PPP2R1B: variants seen among roughly 807,000 people sequenced by gnomAD.
PPP2R1B encodes the protein serine/threonine-protein phosphatase 2A 65 kDa regulatory subunit A beta isoform.
In PPP2R1B, 58 loss-of-function variants were observed where a neutral mutation model predicts 72.7. The ratio of observed to expected loss-of-function variants is 0.80; its 90% CI spans 0.65 to 0.99. PPP2R1B has a LOEUF of 0.99. Among genes scored for constraint, PPP2R1B ranks in the 50% least tolerant of loss-of-function variants. The pLI is 0.00. For missense variants in PPP2R1B, 695 were observed against 733.6 expected (o/e 0.95, Z 0.61); for synonymous variants, 256 against 264.6 (o/e 0.97, Z 0.32).
chr11:111,729,265 T>G (rs185846689), intron 15 of PPP2R1B: 1 of 152,322 alleles, frequency 6.6e-6, no homozygotes, highest in African/African-American at 2.4e-5. Context: ...AGGCACACAC[T>G]GGGGCACAGA....
downstream of PPP2R1B, chr11:111,737,498 C>T (rs1221095684): frequency 3.7e-6 from 6 of 1,614,232 alleles, no homozygotes; most frequent in Non-Finnish European, 5.1e-6. Flanking sequence ...TGGTTCTTGT[C>T]AGCCCGAGGG....
At chr11:111,755,571 C>A (rs924872362) in intron 5 of PPP2R1B, 121 bp from the exon 6 acceptor site, 45 of 783,326 alleles carry the variant, frequency 5.7e-5, no homozygotes, top group Non-Finnish European at 7.9e-5. Context: ...TATATAGTTT[C>A]ACGTCTTGAC....
At chr11:111,706,212 C>A in the PPP2R1B span, among the ~76,000 whole-genome samples, 2 of 152,242 alleles carry the variant, frequency 1.3e-5, no homozygotes, top group East Asian at 3.9e-4. Context: ...ATATGCCTGG[C>A]ACATAGTAAG....
the PPP2R1B span, chr11:111,721,018 C>CCGG: frequency 1.2e-6 from 2 of 1,614,042 alleles, no homozygotes; most frequent in Non-Finnish European, 1.7e-6. Context: ...TAACCTGGCG[C>CCGG]CGGCGGCTCC....
Position 111,739,892 on chromosome 11 carries a change from A to T in PPP2R1B, c.*1704T>A, listed in dbSNP as rs926988706. On this transcript the variant is annotated 3_prime_UTR_variant, in exon 15 of 15. Transcript: ENST00000527614. ...GCCCAAAGTCATAAAATAGAAACTT[A>T]CTATAAGGTAATTTGGCAGTTTAAA... is the stretch of plus-strand genomic sequence containing the variant. 1 of 981,386 alleles carries T rather than the reference A, an allele frequency of 1.0e-6. No homozygotes were observed. The highest frequency in any genetic ancestry group is 1.2e-6 in the Non-Finnish European group (1 of 826,300). The allele number at this position is 981,386 out of a possible 1,614,324, so 60.8% of individuals were successfully genotyped here. A position where few individuals can be genotyped will look rare whatever the true frequency, so the allele number is the denominator to read the frequency against.
intron 15 of PPP2R1B, chr11:111,729,885 T>A (rs775198406): frequency 6.6e-6 from 1 of 152,266 alleles, no homozygotes; most frequent in Non-Finnish European, 1.5e-5. Context: ...AAGTTTAGGC[T>A]CACCTCAAAG....
the PPP2R1B span, chr11:111,720,118 C>T: frequency 9.8e-7 from 1 of 1,019,766 alleles, no homozygotes; most frequent in African/African-American, 1.6e-5. Context: ...TAGCTTATTC[C>T]TTTATGGATT....
At chr11:111,761,724 C>G (rs1185752547) in intron 3 of PPP2R1B, among the ~76,000 whole-genome samples, 1 of 152,196 alleles carries the variant, frequency 6.6e-6, no homozygotes, top group Non-Finnish European at 1.5e-5. Flanking sequence ...GTCGGGAGGC[C>G]GAGGTGGGCA....
Position 111,740,496 on chromosome 11 carries a change from T to G in PPP2R1B, c.*1100A>C, listed in dbSNP as rs1944482535. 2 of 985,320 alleles carry G rather than the reference T, an allele frequency of 2.0e-6. No homozygotes were observed. Among genetic ancestry groups the G allele is most frequent in the Middle Eastern group, 1.0e-3 (2 of 1,912 alleles). The allele number at this position is 985,320 out of a possible 1,614,324, so 61.0% of individuals were successfully genotyped here. On this transcript the variant is annotated 3_prime_UTR_variant, in exon 15 of 15. Transcript: ENST00000527614. ...TGCTTTTTAAAAAGGGCTTTAATAC[T>G]GTTTAAGTAGTTCAAATAGGCTTCC...
downstream of PPP2R1B, chr11:111,724,009 A>T (rs1469502226): frequency 6.2e-7 from 1 of 1,614,194 alleles, no homozygotes; most frequent in Admixed American, 1.7e-5. Flanking sequence ...GAAGCCCAGG[A>T]CTGCAAGAGG....
chr11:111,699,209 TA>T, the PPP2R1B span, among the ~76,000 whole-genome samples: 1 of 152,166 alleles, frequency 6.6e-6, no homozygotes, highest in South Asian at 2.1e-4. Context: ...CACTCCTGGA[TA>T]CCAAAGGCAG....
chr11:111,743,600 A>T lies in PPP2R1B; in HGVS notation c.1400-70T>A, dbSNP rs541054859. 208 of 1,531,740 alleles carry T rather than the reference A, an allele frequency of 1.4e-4. No homozygotes were observed. In the African/African-American group the frequency reaches 2.7e-3, roughly 20 times the overall value. 94.9% of individuals were successfully genotyped at this position (1,531,740 alleles called of 1,614,324 possible). Reference sequence around the variant, plus strand: ...TTTAAGCATAACCTAGTTTACTTACATGAAAATCAAATGTGGACCAAAAGC... The same window carrying T: ...TTTAAGCATAACCTAGTTTACTTACTTGAAAATCAAATGTGGACCAAAAGC... On this transcript the variant is annotated intron_variant, in intron 11 of 14. Coordinates refer to ENST00000527614, the MANE Select transcript of PPP2R1B (RefSeq NM_002716.5).
downstream of PPP2R1B, among the ~76,000 whole-genome samples, chr11:111,736,822 C>A (rs974622018): frequency 6.6e-6 from 1 of 152,190 alleles, no homozygotes; most frequent in African/African-American, 2.4e-5. Context: ...ATGAACTAAA[C>A]GCAGTCTGGC....
At chr11:111,760,627 C>A (rs569889747) in intron 4 of PPP2R1B, among the ~76,000 whole-genome samples, 192 bp downstream of exon 4, 1 of 151,436 alleles carries the variant, frequency 6.6e-6, no homozygotes, top group Non-Finnish European at 1.5e-5. Flanking sequence ...CCAGCCTAGA[C>A]AACAGAGCAA....
intron 6 of PPP2R1B, 85 bp from the exon 7 acceptor site, chr11:111,755,179 A>G (rs1204140668): frequency 9.1e-6 from 14 of 1,532,858 alleles, no homozygotes; most frequent in East Asian, 4.5e-5. Flanking sequence ...CTGTAAATAC[A>G]TATTTTTGCC....
At chr11:111,726,724 C>T (rs753542111), downstream of PPP2R1B, 34 of 525,344 alleles carry the variant, frequency 6.5e-5, no homozygotes, top group Non-Finnish European at 1.1e-4. Flanking sequence ...AAACAAAACA[C>T]TAAGAAGGCT....
the PPP2R1B span, among the ~76,000 whole-genome samples, chr11:111,719,356 CT>C: frequency 1.8e-3 from 218 of 118,834 alleles, 1 homozygote; most frequent in South Asian, 0.013. Context: ...GTGACTACCC[CT>C]TTTTTTTTTT....
chr11:111,727,816 C>T (rs117929286), intron 15 of PPP2R1B: 1 of 152,436 alleles, frequency 6.6e-6, no homozygotes, highest in East Asian at 1.9e-4. Context: ...CGTGTGGGCA[C>T]TAAGCAGCCT....
chr11:111,719,391 A>T, the PPP2R1B span, among the ~76,000 whole-genome samples: 1 of 124,616 alleles, frequency 8.0e-6, no homozygotes, highest in African/African-American at 2.9e-5. Flanking sequence ...TGAGCCAAGT[A>T]GTTAAAAAAA....
Sources: gnomAD v4.1 joint callset for allele counts (sites outside exome capture counted in the v4.1 genomes callset) on GRCh38, gnomAD v4.1.1 for gene constraint, MANE v1.5 for transcripts, NCBI Gene and HGNC (gene_info 2026-07-23, HGNC 2026-07-21) for gene names.